MYH2: variants seen among roughly 807,000 people sequenced by gnomAD.
MYH2 encodes the protein myosin-2.
Under a neutral mutation model 228.1 loss-of-function variants are expected in MYH2, and 139 were observed. The ratio of observed to expected loss-of-function variants is 0.61; its 90% confidence interval spans 0.53 to 0.70. The LOEUF (loss-of-function observed/expected upper bound fraction) is 0.70. Ranked by LOEUF, MYH2 falls within the 30% of genes least tolerant of loss-of-function variation. MYH2 has a pLI of 0.00. For missense variants in MYH2, 1,809 were observed against 2,357.5 expected (o/e 0.77, Z 4.82); for synonymous variants, 796 against 871.1 (o/e 0.91, Z 1.52).
chr17:10,537,906 T>C lies in MYH2; in HGVS notation c.1417-71A>G. 6.2e-7 allele frequency: 1 copy of C among 1,611,930 alleles called. No individual in the cohort carries two copies. Among genetic ancestry groups the C allele is most frequent in the Non-Finnish European group, 8.5e-7 (1 of 1,178,598 alleles). On this transcript the variant is annotated intron_variant, in intron 14 of 39. Transcript: ENST00000245503. The surrounding 1 kb of genome is among the most constrained non-coding windows in gnomAD (Gnocchi z 4.0). The stretch of plus-strand genomic sequence containing the variant: ...TTTTTTAAAATACAGAACTTTTCCA[T>C]TTTAAAAATATGTGTCCAAGAGCCT...
chr17:10,544,179 T>A (rs1281344451), intron 5 of MYH2, 52 bp from the exon 6 acceptor site: 2 of 1,591,248 alleles, frequency 1.3e-6, no homozygotes, highest in African/African-American at 2.7e-5. Context: ...TATTTGTAAA[T>A]GATAAGTAAA....
Position 10,529,333 on chromosome 17 carries a change from T to C in MYH2, c.3263+3A>G, listed in dbSNP as rs1429697043. 6.2e-7 allele frequency: 1 copy of C among 1,613,942 alleles called. No homozygotes were observed. Among genetic ancestry groups the C allele is most frequent in the African/African-American group, 1.3e-5 (1 of 75,048 alleles). On this transcript the variant is annotated splice_donor_region_variant and intron_variant, in intron 25 of 39. Coordinates refer to ENST00000245503, the MANE Select transcript of MYH2 (RefSeq NM_017534.6). ...AATCCATAAGCAATTCTTTCTTACT[T>C]ACTTTTTGAGCTTTTCATCAAGTTG...
Position 10,527,767 on chromosome 17 carries a change from C to T in MYH2, c.3852G>A (p.Gly1284=). The T allele has an allele frequency of 6.2e-7, 1 of 1,614,072 alleles. No individual in the cohort carries two copies. Among genetic ancestry groups the T allele is most frequent in the Non-Finnish European group, 8.5e-7 (1 of 1,180,012 alleles). The change falls in exon 28 of 40, where the codon GGG becomes GGA. Residue 1284 remains glycine (G), a synonymous_variant. Coordinates refer to ENST00000245503, the MANE Select transcript of MYH2 (RefSeq NM_017534.6). ...AGTTACCAGATTCAGTCTGCAGGCGCCCCCTCTGCGCAGTCAGGTCATTGA... is the reference window on the plus strand; with the variant it reads ...AGTTACCAGATTCAGTCTGCAGGCGTCCCCTCTGCGCAGTCAGGTCATTGA... ...RLINDLTAQR[G]RLQTESGEFS...
chr17:10,534,692 G>A (rs1036772609), intron 19 of MYH2, among the ~76,000 whole-genome samples: 1 of 152,200 alleles, frequency 6.6e-6, no homozygotes. Flanking sequence ...CAAGGCTGGC[G>A]GATGACCTGA....
rs984056935 is a variant in MYH2, at chr17:10,537,099, G to C, written c.1897+134C>G. The C allele has an allele frequency of 2.6e-6, 3 of 1,176,028 alleles. No homozygotes were observed. The highest frequency in any genetic ancestry group is 3.8e-6 in the Non-Finnish European group (3 of 796,738). 72.8% of individuals were successfully genotyped at this position (1,176,028 alleles called of 1,614,324 possible). A position where few individuals can be genotyped will look rare whatever the true frequency, so the allele number is the denominator to read the frequency against. ...GCCACAAATGTATAATTACAAGGCT[G>C]CCTATCTATTCAATACTTGGAGGAA... On this transcript the variant is annotated intron_variant, in intron 16 of 39. Coordinates refer to ENST00000245503, the MANE Select transcript of MYH2 (RefSeq NM_017534.6). This position sits in a 1 kb window ranked among gnomAD's most constrained non-coding sequence, Gnocchi z 4.0.
chr17:10,532,576 A>G (rs767525891), intron 21 of MYH2, among the ~76,000 whole-genome samples: 42 of 152,350 alleles, frequency 2.8e-4, no homozygotes, highest in Admixed American at 1.0e-3. Flanking sequence ...AAATATTAGC[A>G]TAATTACAAG....
intron 20 of MYH2, 26 bp downstream of exon 20, chr17:10,533,483 A>G (rs2073448439): frequency 1.9e-6 from 3 of 1,614,222 alleles, no homozygotes; most frequent in Non-Finnish European, 2.5e-6. Context: ...CAGGAATAGC[A>G]TCAGGTAGGA....
Position 10,524,344 on chromosome 17 carries a change from T to G in MYH2, c.5175+122A>C. 7.7e-7 allele frequency: 1 copy of G among 1,294,236 alleles called. No individual in the cohort carries two copies. The highest frequency in any genetic ancestry group is 1.1e-6 in the Non-Finnish European group (1 of 901,304). The allele number at this position is 1,294,236 out of a possible 1,614,324, so 80.2% of individuals were successfully genotyped here. A position where few individuals can be genotyped will look rare whatever the true frequency, so the allele number is the denominator to read the frequency against. The stretch of plus-strand genomic sequence containing the variant: ...TCTCAGTAATGCAGAATTACTATTC[T>G]GTATTATTTGAAAAGAAAATTTGAT... On this transcript the variant is annotated intron_variant, in intron 35 of 39. Transcript: ENST00000245503. This position sits in a 1 kb window ranked among gnomAD's most constrained non-coding sequence, Gnocchi z 4.7.
At chr17:10,543,033 G>T in intron 9 of MYH2, 60 bp from the exon 10 acceptor site, 2 of 1,587,782 alleles carry the variant, frequency 1.3e-6, no homozygotes, top group Admixed American at 1.7e-5. Flanking sequence ...ATGCGAATTT[G>T]ATTTTTGGTC....
intron 12 of MYH2, 36 bp downstream of exon 12, chr17:10,539,892 A>T: frequency 1.2e-6 from 2 of 1,613,478 alleles, no homozygotes; most frequent in South Asian, 2.2e-5. Flanking sequence ...TGATTTTCAA[A>T]CAAATGCAAA....
At chr17:10,542,744 A>G in intron 10 of MYH2, 131 bp downstream of exon 10, 1 of 589,678 alleles carries the variant, frequency 1.7e-6, no homozygotes, top group East Asian at 3.0e-5. Context: ...TTTTTACCAA[A>G]CTCACAAAGC....
In MYH2 at chr17:10,521,341, TG is replaced by T. The variant is rs771688639; in HGVS notation, c.5764del (p.Gln1922ArgfsTer2). ...AEERADIAES[Q>X]VNKLRVKSRE... ...GCTCTTCACCCGCAGTTTGTTCACCTGGGACTCAGCAATGTCAGCCCGTTCC... is the reference window on the plus strand; with the variant it reads ...GCTCTTCACCCGCAGTTTGTTCACCTGGACTCAGCAATGTCAGCCCGTTCC... On this transcript the variant is annotated frameshift_variant, in exon 40 of 40. Coordinates refer to ENST00000245503, the MANE Select transcript of MYH2 (RefSeq NM_017534.6). LOFTEE classifies it high-confidence loss of function. 1.2e-6 allele frequency: 2 copies of T among 1,614,198 alleles called. No homozygotes were observed. The highest frequency in any genetic ancestry group is 2.2e-5 in the South Asian group (2 of 91,086).
intron 4 of MYH2, among the ~76,000 whole-genome samples, chr17:10,546,152 C>A (rs1338240913): frequency 4.0e-5 from 6 of 150,490 alleles, no homozygotes; most frequent in Non-Finnish European, 8.9e-5. Context: ...TCTTCTAAGA[C>A]AATTTGATGC....
At position 10,547,618 on chromosome 17, in the gene MYH2, T is replaced by A; in HGVS notation, c.205A>T (p.Thr69Ser). The change falls in exon 4 of 40, where the codon ACT becomes TCT. Residue 69 changes from threonine to serine, a missense_variant and splice_region_variant. Coordinates refer to ENST00000245503, the MANE Select transcript of MYH2 (RefSeq NM_017534.6). ...KVTVKTEGGA[T>S]LTVKDDQVFP... ...ACCTGATCATCCTTCACTGTCAGAG[T>A]CTGGTAAACAGGAAAGATAACCGTT... 5.0e-6 allele frequency: 8 copies of A among 1,614,152 alleles called. No individual in the cohort carries two copies. Among genetic ancestry groups the A allele is most frequent in the Non-Finnish European group, 6.8e-6 (8 of 1,180,032 alleles).
intron 4 of MYH2, among the ~76,000 whole-genome samples, chr17:10,546,074 G>A (rs1017792715): frequency 5.3e-5 from 8 of 151,700 alleles, no homozygotes; most frequent in Admixed American, 2.6e-4. Context: ...TCAAATTTAT[G>A]AGAACATAAA....
chr17:10,521,612 T>C (rs2073286251), intron 39 of MYH2, among the ~76,000 whole-genome samples, 180 bp from the exon 40 acceptor site: 2 of 149,594 alleles, frequency 1.3e-5, no homozygotes, highest in South Asian at 2.1e-4. Flanking sequence ...CACACACACA[T>C]ACATACATAC....
chr17:10,535,212 A>G, intron 18 of MYH2, 22 bp from the exon 19 acceptor site: 1 of 1,613,976 alleles, frequency 6.2e-7, no homozygotes, highest in South Asian at 1.1e-5. Flanking sequence ...TATTTATTTC[A>G]CTGCAGAGCT....
Position 10,523,559 on chromosome 17 carries a change from C to T in MYH2, c.5409G>A (p.Leu1803=). 6.2e-7 allele frequency: 1 copy of T among 1,614,246 alleles called. No individual in the cohort carries two copies. Among genetic ancestry groups the T allele is most frequent in the Non-Finnish European group, 8.5e-7 (1 of 1,180,044 alleles). ...TCAGGGCCAGCTGCTCAGCCTCATCCAGACGGAGCTGCAGATCCTTCACGG... is the reference window on the plus strand; with the variant it reads ...TCAGGGCCAGCTGCTCAGCCTCATCTAGACGGAGCTGCAGATCCTTCACGG... ...EQTVKDLQLR[L]DEAEQLALKG... The change falls in exon 37 of 40, where the codon CTG becomes CTA. Residue 1803 remains leucine, a synonymous_variant. Coordinates refer to ENST00000245503, the MANE Select transcript of MYH2 (RefSeq NM_017534.6).
Position 10,533,340 on chromosome 17 carries a change from C to T in MYH2, c.2386G>A (p.Ala796Thr), listed in dbSNP as rs2073446518. The change falls in exon 21 of 40, where the codon GCC (alanine) becomes ACC (threonine). Residue 796 changes from alanine to threonine, a missense_variant. Ala to Thr is a moderately conservative substitution (Grantham distance 58). Transcript: ENST00000245503. ...KLAQLITRTQARCRGFLARVE... is the reference protein window; with the variant it reads ...KLAQLITRTQTRCRGFLARVE... Reference sequence around the variant, plus strand: ...CTTGCCAAGAACCCTCTGCACCTGGCCTGGGTTCGGGTAATCAGCTGGGCC... The same window carrying T: ...CTTGCCAAGAACCCTCTGCACCTGGTCTGGGTTCGGGTAATCAGCTGGGCC... 1.9e-6 allele frequency: 3 copies of T among 1,614,228 alleles called. No homozygotes were observed. The highest frequency in any genetic ancestry group is 1.1e-5 in the South Asian group (1 of 91,074).
Sources: gnomAD v4.1 joint callset for allele counts (sites outside exome capture counted in the v4.1 genomes callset) on GRCh38, gnomAD v4.1.1 for gene constraint, Gnocchi (gnomAD v3.1) non-coding constraint, MANE v1.5 for transcripts, NCBI Gene and HGNC (gene_info 2026-07-23, HGNC 2026-07-21) for gene names.